The following KLK5 variants were observed in gnomAD, a reference collection of about 807,000 sequenced individuals.
KLK5 encodes kallikrein related peptidase 5.
In KLK5, 18 loss-of-function variants were observed where a neutral mutation model predicts 24.0. The observed-to-expected ratio is 0.75, with a 90% CI of 0.52 to 1.11. The LOEUF (loss-of-function observed/expected upper bound fraction) is 1.11. Ranked by LOEUF, KLK5 falls within the 50% of genes most tolerant of loss-of-function variation. The pLI is 0.00. For missense variants in KLK5, 374 were observed against 379.2 expected (o/e 0.99, Z 0.11); for synonymous variants, 140 against 154.0 (o/e 0.91, Z 0.67).
At position 50,949,060 on chromosome 19, in the gene KLK5, G is replaced by T; in HGVS notation, c.391C>A (p.Gln131Lys). 6.2e-7 allele frequency: 1 copy of T among 1,613,648 alleles called. No individual in the cohort carries two copies. Among genetic ancestry groups the T allele is most frequent in the East Asian group, 2.2e-5 (1 of 44,874 alleles). ...GATTTGACCCCCTGGAACATCTGCT[G>T]CCCAGATTCATAAACTGGTGACAGG... is the stretch of plus-strand genomic sequence containing the variant. ...YSLSPVYESG[Q>K]QMFQGVKSIP... The change falls in exon 4 of 6, where the codon CAG becomes AAG. Residue 131 changes from glutamine (Q) to lysine (K), a missense_variant. Coordinates refer to ENST00000336334, the MANE Select transcript of KLK5 (RefSeq NM_012427.5).
intron 5 of KLK5, among the ~76,000 whole-genome samples, chr19:50,945,026 TTCCTTCCTTTCTTTC>T (rs1247666256): frequency 1.5e-3 from 209 of 142,838 alleles, no homozygotes; most frequent in Admixed American, 4.6e-3. Flanking sequence ...TTCTCCTTCC[TTCCTTCCTTTCTTTC>T]TCCTTCCTTC....
At chr19:50,952,122 A>G (rs546577832) in intron 2 of KLK5, among the ~76,000 whole-genome samples, 1 of 97,694 alleles carries the variant, frequency 1.0e-5, no homozygotes, top group South Asian at 3.5e-4. Context: ...GCACACAGTC[A>G]CAGCTTTCCA....
At chr19:50,949,742 C>CCA in intron 3 of KLK5, 113 bp downstream of exon 3, 2 of 621,124 alleles carry the variant, frequency 3.2e-6, no homozygotes, top group Admixed American at 2.8e-5. Flanking sequence ...ACCCCCAACC[C>CCA]CACTTCCCCG....
rs182692591 is a variant in KLK5, at chr19:50,945,250, A to G, written c.727-1464T>C. ...CAGCCTCCCAAGTAGCTGGAACTACAGGTGCAAGCCACCACACCCGGCTAA... is the reference window on the plus strand; with the variant it reads ...CAGCCTCCCAAGTAGCTGGAACTACGGGTGCAAGCCACCACACCCGGCTAA... On this transcript the variant is annotated intron_variant, in intron 5 of 5. Coordinates refer to ENST00000336334, the MANE Select transcript of KLK5 (RefSeq NM_012427.5). Among the ~76,000 whole-genome samples, 445 of 148,168 alleles carry G rather than the reference A, an allele frequency of 3.0e-3. 3 individuals carry two copies. Among genetic ancestry groups the G allele is most frequent in the African/African-American group, 0.01 (406 of 40,082 alleles).
chr19:50,950,833 A>C (rs1318033887), intron 2 of KLK5, among the ~76,000 whole-genome samples: 2 of 139,052 alleles, frequency 1.4e-5, no homozygotes, highest in African/African-American at 2.7e-5. Flanking sequence ...CAGAGGTTGC[A>C]GTGAGCCGAG....
intron 5 of KLK5, among the ~76,000 whole-genome samples, chr19:50,944,464 G>A (rs974440921): frequency 6.6e-6 from 1 of 151,938 alleles, no homozygotes; most frequent in African/African-American, 2.4e-5. Flanking sequence ...CTCCCTCATC[G>A]TGTATCTCTC....
chr19:50,948,543 G>A, intron 5 of KLK5, 97 bp downstream of exon 5: 9 of 1,253,406 alleles, frequency 7.2e-6, no homozygotes, highest in Admixed American at 1.9e-5. Context: ...GGTCCTGACT[G>A]TCTTGGCAAT....
At chr19:50,952,550 A>G (rs764393183) in intron 2 of KLK5, 35 bp downstream of exon 2, 2 of 1,533,234 alleles carry the variant, frequency 1.3e-6, no homozygotes, top group Non-Finnish European at 1.8e-6. Flanking sequence ...AGTCCTCCCA[A>G]TCCCACAACC....
rs1703554020 is a variant in KLK5 at position 50,947,588 on chromosome 19, G to T, written c.726+1052C>A. The stretch of plus-strand genomic sequence containing the variant: ...ACAGAGTTTTTTATTTTTTAACTTT[G>T]TTCCTCCAGCCCTTCCAGCAGCTTT... On this transcript the variant is annotated intron_variant, in intron 5 of 5. Coordinates refer to ENST00000336334, the MANE Select transcript of KLK5 (RefSeq NM_012427.5). The surrounding 1 kb of genome is among the most constrained non-coding windows in gnomAD (Gnocchi z 8.7). Among the ~76,000 whole-genome samples, 1 of 151,900 alleles carries T rather than the reference G, an allele frequency of 6.6e-6. No homozygotes were observed.
At chr19:50,945,783 T>G (rs541589732) in intron 5 of KLK5, among the ~76,000 whole-genome samples, 2 of 62,586 alleles carry the variant, frequency 3.2e-5, no homozygotes, top group South Asian at 1.6e-3. Context: ...AGAGCGAGAC[T>G]CCGTCTCAAA....
chr19:50,943,932 C>A (rs2090610015), intron 5 of KLK5, 146 bp from the exon 6 acceptor site: 4 of 555,946 alleles, frequency 7.2e-6, no homozygotes, highest in South Asian at 3.0e-5. Flanking sequence ...TGAAGAAATG[C>A]AGAAAAAGAC....
chr19:50,946,971 T>C lies in KLK5; in HGVS notation c.726+1669A>G, dbSNP rs117524366. Among the ~76,000 whole-genome samples the C allele has an allele frequency of 5.6e-3, 844 of 151,914 alleles. 4 individuals carry two copies. The highest frequency in any genetic ancestry group is 0.012 in the Admixed American group (186 of 15,254). ...GGAGGTGTTGCATTTGTCAGGTTTG[T>C]ACAATTTGGGGGGAGCTTTTCATAG... On this transcript the variant is annotated intron_variant, in intron 5 of 5. Transcript: ENST00000336334.
rs895459688 is a variant in KLK5, at chr19:50,947,197, G to A, written c.726+1443C>T. ...ACAGCTTCCATTAGAACATAGGGAA[G>A]CTCTGTGTTGGTGACCAAGAAATAC... On this transcript the variant is annotated intron_variant, in intron 5 of 5. Coordinates refer to ENST00000336334, the MANE Select transcript of KLK5 (RefSeq NM_012427.5). This position sits in a 1 kb window ranked among gnomAD's most constrained non-coding sequence, Gnocchi z 8.7. Among the ~76,000 whole-genome samples the A allele has an allele frequency of 2.7e-4, 41 of 152,182 alleles. No individual in the cohort carries two copies. The highest frequency in any genetic ancestry group is 8.2e-4 in the African/African-American group (34 of 41,438).
In KLK5 at chr19:50,943,837, G is replaced by A. The variant is rs369743279; in HGVS notation, c.727-51C>T. The stretch of plus-strand genomic sequence containing the variant: ...GAGAGGCAGAGATGTGGCAAAGTGG[G>A]CAGAAGGAGACATGAGAGACCCAGA... On this transcript the variant is annotated intron_variant, in intron 5 of 5. Coordinates refer to ENST00000336334, the MANE Select transcript of KLK5 (RefSeq NM_012427.5). 3.8e-4 allele frequency: 571 copies of A among 1,508,000 alleles called. 1 individual carries two copies. Among genetic ancestry groups the A allele is most frequent in the Admixed American group, 4.9e-4 (26 of 53,578 alleles). The allele number at this position is 1,508,000 out of a possible 1,614,324, so 93.4% of individuals were successfully genotyped here.
intron 3 of KLK5, 53 bp downstream of exon 3, chr19:50,949,785 ACCCCCACTTCCCCACCC>A: frequency 7.9e-6 from 2 of 253,222 alleles, no homozygotes; most frequent in Non-Finnish European, 1.4e-5. Context: ...TGACACCCCC[ACCCCCACTTCCCCACCC>A]CCACCCCCAC....
At chr19:50,951,293 A>T (rs1352210069) in intron 2 of KLK5, among the ~76,000 whole-genome samples, 10 of 148,914 alleles carry the variant, frequency 6.7e-5, no homozygotes, top group Non-Finnish European at 1.2e-4. Flanking sequence ...TTCTTTCGAG[A>T]CGGAGTTTCG....
chr19:50,952,633 T>A lies in KLK5; in HGVS notation c.25A>T (p.Met9Leu). 6.3e-7 allele frequency: 1 copy of A among 1,589,766 alleles called. No individual in the cohort carries two copies. The highest frequency in any genetic ancestry group is 8.6e-7 in the Non-Finnish European group (1 of 1,167,370). The stretch of plus-strand genomic sequence containing the variant: ...GTGATCAGAGCACAGAGCACCCACA[T>A]CCAGGGGGGTCTTGCTGTAGCCATG... MATARPPW[M>L]WVLCALITAL... Residue 9 changes from methionine (M) to leucine (L), a missense_variant, in exon 2 of 6, where the codon ATG (methionine) becomes TTG (leucine). By Grantham distance (15) the Met-to-Leu change is conservative (BLOSUM62 2). Transcript: ENST00000336334.
At chr19:50,946,949 G>A (rs2090641338) in intron 5 of KLK5, among the ~76,000 whole-genome samples, 4 of 152,080 alleles carry the variant, frequency 2.6e-5, no homozygotes. Flanking sequence ...GAGCTGGGGA[G>A]GTGTTGCATT....
rs778500379 is a variant in KLK5 at position 50,943,800 on chromosome 19, AG to A, written c.727-15del. The A allele has an allele frequency of 2.1e-5, 34 of 1,605,174 alleles. No individual in the cohort carries two copies. The Middle Eastern group carries it at 5.1e-4, about 24-fold the overall frequency. ...CCCAGAATCACCCTGCAGGAGAGAA[AG>A]GGGGGCATGAGAGAGGCAGAGATGT... On this transcript the variant is annotated splice_polypyrimidine_tract_variant and intron_variant, in intron 5 of 5. Coordinates refer to ENST00000336334, the MANE Select transcript of KLK5 (RefSeq NM_012427.5).
Sources: allele counts gnomAD v4.1 joint callset (sites outside exome capture counted in the v4.1 genomes callset), GRCh38; gene constraint gnomAD v4.1.1; non-coding constraint Gnocchi (gnomAD v3.1); transcripts MANE v1.5; gene names NCBI Gene and HGNC (gene_info 2026-07-23, HGNC 2026-07-21).